HDAC4: variants seen among roughly 807,000 people sequenced by gnomAD.
The protein encoded by HDAC4 is histone deacetylase 4.
In HDAC4, 16 loss-of-function variants were observed where a neutral mutation model predicts 135.1. That is an observed-to-expected ratio of 0.12 (90% confidence interval 0.08 to 0.18). The LOEUF (loss-of-function observed/expected upper bound fraction) is 0.18. Among genes scored for constraint, HDAC4 ranks in the 10% least tolerant of loss-of-function variants. The pLI is 1.00. For synonymous variants in HDAC4, 685 were observed against 653.4 expected (o/e 1.05, Z -0.74); for missense variants, 1,143 against 1,511.8 (o/e 0.76, Z 4.05).
chr2:239,081,157 G>A lies in HDAC4; in HGVS notation c.2688C>T (p.Asn896=), dbSNP rs1424036464. 6.2e-7 allele frequency: 1 copy of A among 1,614,002 alleles called. No homozygotes were observed. The highest frequency in any genetic ancestry group is 8.5e-7 in the Non-Finnish European group (1 of 1,180,016). ...GTGPGVGFNV[N]MAFTGGLDPP... ...GGTCCAGGCCGCCGGTGAAAGCCATGTTGACGTTGAAACCCACGCCGGGCC... is the reference window on the plus strand; with the variant it reads ...GGTCCAGGCCGCCGGTGAAAGCCATATTGACGTTGAAACCCACGCCGGGCC... The change falls in exon 22 of 27, where the codon AAC becomes AAT. Residue 896 remains asparagine, a synonymous_variant. Coordinates refer to ENST00000543185, the MANE Select transcript of HDAC4 (RefSeq NM_001378414.1).
intron 1 of HDAC4, among the ~76,000 whole-genome samples, chr2:239,365,917 C>T (rs868365920): frequency 1.6e-4 from 23 of 148,344 alleles, no homozygotes; most frequent in African/African-American, 5.3e-4. Flanking sequence ...AGACCAGGGT[C>T]GTCAGGGTCA....
At chr2:239,117,950 C>T (rs2039292200) in intron 12 of HDAC4, among the ~76,000 whole-genome samples, 1 of 152,220 alleles carries the variant, frequency 6.6e-6, no homozygotes, top group Admixed American at 6.5e-5. Flanking sequence ...ACCCTTAGAG[C>T]ACTGCATGCT....
intron 2 of HDAC4, among the ~76,000 whole-genome samples, chr2:239,322,706 TG>T: frequency 6.6e-6 from 1 of 152,262 alleles, no homozygotes; most frequent in Admixed American, 6.5e-5. Flanking sequence ...TGCTGGTGTG[TG>T]GACGGGAACC....
chr2:239,291,798 C>T (rs2051515976), intron 2 of HDAC4, among the ~76,000 whole-genome samples: 1 of 152,134 alleles, frequency 6.6e-6, no homozygotes, highest in Admixed American at 6.5e-5. Flanking sequence ...TTCCAGTGTC[C>T]ACCATCGCCT....
chr2:239,201,910 T>C (rs2045779404), intron 3 of HDAC4, among the ~76,000 whole-genome samples: 1 of 152,252 alleles, frequency 6.6e-6, no homozygotes, highest in Non-Finnish European at 1.5e-5. Context: ...AACTGCTTTC[T>C]TACTGGCAGA....
intron 2 of HDAC4, among the ~76,000 whole-genome samples, chr2:239,273,214 A>T (rs961696311): frequency 3.9e-5 from 6 of 152,182 alleles, no homozygotes; most frequent in Admixed American, 3.9e-4. Context: ...GGTTATGTCC[A>T]AAAGACTCAA....
intron 1 of HDAC4, among the ~76,000 whole-genome samples, chr2:239,392,803 C>T (rs1696316611): frequency 6.6e-6 from 1 of 152,216 alleles, no homozygotes; most frequent in South Asian, 2.1e-4. Context: ...CTGCTGGGGG[C>T]CCACTTTCTG....
At chr2:239,186,756 G>A (rs1254389081) in intron 4 of HDAC4, 1 of 152,388 alleles carries the variant, frequency 6.6e-6, no homozygotes, top group Non-Finnish European at 1.5e-5. Context: ...AAGAGGAGAG[G>A]CAGAGGGGTT....
chr2:239,089,258 G>A (rs1486339878), intron 18 of HDAC4, among the ~76,000 whole-genome samples: 2 of 152,144 alleles, frequency 1.3e-5, no homozygotes. Flanking sequence ...AATGACGCCG[G>A]GCAGGTGTGA....
At chr2:239,348,613 G>A (rs974223151) in intron 2 of HDAC4, among the ~76,000 whole-genome samples, 6 of 152,234 alleles carry the variant, frequency 3.9e-5, no homozygotes, top group Non-Finnish European at 7.3e-5. Flanking sequence ...CCACACTCCC[G>A]GTTTCATGCC....
intron 21 of HDAC4, 71 bp downstream of exon 21, chr2:239,082,031 T>G: frequency 6.5e-7 from 1 of 1,547,038 alleles, no homozygotes; most frequent in Non-Finnish European, 8.9e-7. Context: ...GTGGACCGTC[T>G]GCCCCGTGCC....
At chr2:239,283,348 G>C (rs765926245) in intron 2 of HDAC4, among the ~76,000 whole-genome samples, 1 of 152,252 alleles carries the variant, frequency 6.6e-6, no homozygotes, top group Non-Finnish European at 1.5e-5. Context: ...GAAGTGCCCA[G>C]GGTGCGGGCC....
chr2:239,108,258 G>GGGT (rs2038339384), intron 14 of HDAC4, 75 bp from the exon 15 acceptor site: 5 of 1,527,506 alleles, frequency 3.3e-6, no homozygotes, highest in Non-Finnish European at 4.4e-6. Flanking sequence ...GGCTGCCCCC[G>GGGT]GGTGGTGGCG....
chr2:239,097,984 A>G (rs907184951), intron 16 of HDAC4, among the ~76,000 whole-genome samples: 2 of 152,226 alleles, frequency 1.3e-5, no homozygotes, highest in Non-Finnish European at 2.9e-5. Context: ...GCGCTCAGCT[A>G]TATGAATTCA....
At chr2:239,211,663 C>G (rs1286646178) in intron 3 of HDAC4, among the ~76,000 whole-genome samples, 3 of 152,204 alleles carry the variant, frequency 2.0e-5, no homozygotes, top group Non-Finnish European at 4.4e-5. Context: ...CCCAATGATT[C>G]AAAAGCTGAA....
intron 12 of HDAC4, among the ~76,000 whole-genome samples, chr2:239,120,957 C>T (rs898395390): frequency 2.0e-5 from 3 of 151,786 alleles, no homozygotes; most frequent in Non-Finnish European, 2.9e-5. Flanking sequence ...TCGGTGGACA[C>T]AGAAGCTCCA....
At chr2:239,087,290 A>C (rs1278284276) in intron 19 of HDAC4, among the ~76,000 whole-genome samples, 1 of 152,240 alleles carries the variant, frequency 6.6e-6, no homozygotes, top group Non-Finnish European at 1.5e-5. Context: ...ACTACTCAAC[A>C]ACCAGAGGCT....
intron 2 of HDAC4, among the ~76,000 whole-genome samples, chr2:239,287,734 G>A (rs746691721): frequency 7.9e-5 from 12 of 152,086 alleles, no homozygotes; most frequent in African/African-American, 1.2e-4. Context: ...GACTCAAAAC[G>A]ATTAATACAG....
chr2:239,104,987 G>T (rs1418321320), intron 15 of HDAC4, among the ~76,000 whole-genome samples: 3 of 152,242 alleles, frequency 2.0e-5, no homozygotes, highest in East Asian at 1.9e-4. Flanking sequence ...CACCGCAAGG[G>T]CTCGGGCTGT....
Sources: gnomAD v4.1 joint callset for allele counts (sites outside exome capture counted in the v4.1 genomes callset) on GRCh38, gnomAD v4.1.1 for gene constraint, MANE v1.5 for transcripts, NCBI Gene and HGNC (gene_info 2026-07-23, HGNC 2026-07-21) for gene names.